The following RASGRF1 variants were observed in gnomAD, a reference collection of about 807,000 sequenced individuals.
The protein encoded by RASGRF1 is ras-specific guanine nucleotide-releasing factor 1.
RASGRF1 carries 40 observed loss-of-function variants against 138.7 expected under a neutral mutation model. That is an observed-to-expected ratio of 0.29 (90% confidence interval 0.22 to 0.38). The LOEUF (loss-of-function observed/expected upper bound fraction) is 0.38, where lower values mean the gene tolerates loss of function less well. RASGRF1 is among the 10% of genes least tolerant of loss of function. The pLI, the probability that RASGRF1 is intolerant of heterozygous loss-of-function variation, is 1.00. For missense variants in RASGRF1, 1,108 were observed against 1,650.4 expected, an observed-to-expected ratio of 0.67 and a Z score of 5.69; for synonymous variants, 614 against 663.2, an observed-to-expected ratio of 0.93 and a Z score of 1.14.
chr15:78,962,293 A>C, intron 26 of RASGRF1, 57 bp from the exon 27 acceptor site: 1 of 1,244,186 alleles, frequency 8.0e-7, no homozygotes, highest in Non-Finnish European at 1.1e-6. Context: ...CATAGTACTG[A>C]TTGTGGATGC....
At position 79,003,788 on chromosome 15, in the gene RASGRF1, G is replaced by A; in HGVS notation, c.2449+14C>T. On this transcript the variant is annotated intron_variant, in intron 15 of 26. Transcript: ENST00000558480. ...GGGAGGCTGGGGGGCAGCTCCGACG[G>A]CATGGCCACTCACTCTGCTTGCTGA... is the stretch of plus-strand genomic sequence containing the variant. The A allele has an allele frequency of 6.4e-7, 1 of 1,572,318 alleles. No individual in the cohort carries two copies. The highest frequency in any genetic ancestry group is 8.6e-7 in the Non-Finnish European group (1 of 1,158,354).
intron 12 of RASGRF1, among the ~76,000 whole-genome samples, chr15:79,016,051 C>T (rs928374434): frequency 2.0e-5 from 3 of 152,190 alleles, no homozygotes. Context: ...ATAGGAAGTA[C>T]CCGCCCAAAC....
chr15:78,967,427 A>T (rs945164278), intron 26 of RASGRF1, among the ~76,000 whole-genome samples: 1 of 152,124 alleles, frequency 6.6e-6, no homozygotes, highest in Non-Finnish European at 1.5e-5. Context: ...GAACACCTGC[A>T]GTCCCAGCTA....
At chr15:78,982,810 G>A (rs955589668) in intron 23 of RASGRF1, among the ~76,000 whole-genome samples, 4 of 152,126 alleles carry the variant, frequency 2.6e-5, no homozygotes, top group African/African-American at 9.7e-5. Flanking sequence ...GCGATCCCCA[G>A]GAGAGGCGAC....
chr15:79,085,448 A>G (rs1267755358), intron 1 of RASGRF1, among the ~76,000 whole-genome samples: 1 of 152,216 alleles, frequency 6.6e-6, no homozygotes, highest in Non-Finnish European at 1.5e-5. Context: ...ATATCTTTCT[A>G]AAGGCAATGG....
At chr15:79,002,479 G>T (rs536195191) in intron 15 of RASGRF1, among the ~76,000 whole-genome samples, 1 of 152,198 alleles carries the variant, frequency 6.6e-6, no homozygotes, top group Non-Finnish European at 1.5e-5. Context: ...AAAGCCACAG[G>T]TCTTCTCTTT....
At position 78,961,151 on chromosome 15, in the gene RASGRF1, T is replaced by G. The variant is rs1299411878; in HGVS notation, c.*993A>C. The G allele has an allele frequency of 2.0e-5, 3 of 152,212 alleles. No individual in the cohort carries two copies. Among genetic ancestry groups the G allele is most frequent in the Non-Finnish European group, 4.4e-5 (3 of 68,038 alleles). 9.4% of individuals were successfully genotyped at this position (152,212 alleles called of 1,614,324 possible). ...ACAGTGTAAAAAATACATGGTAATA[T>G]TCACAGAATAAGCACTACATTACTA... On this transcript the variant is annotated 3_prime_UTR_variant, in exon 27 of 27. Coordinates refer to ENST00000558480, the MANE Select transcript of RASGRF1 (RefSeq NM_001145648.3).
chr15:79,027,518 G>A lies in RASGRF1; in HGVS notation c.1381+223C>T, dbSNP rs114388328. ...GAATTCTGTTTACATCTGGAGAGAAGGAAACTGTGAAAACCAATAATATCT... is the reference window on the plus strand; with the variant it reads ...GAATTCTGTTTACATCTGGAGAGAAAGAAACTGTGAAAACCAATAATATCT... On this transcript the variant is annotated intron_variant, in intron 9 of 26. Coordinates refer to ENST00000558480, the MANE Select transcript of RASGRF1 (RefSeq NM_001145648.3). This position sits in a 1 kb window ranked among gnomAD's most constrained non-coding sequence, Gnocchi z 4.8. Among the ~76,000 whole-genome samples the A allele has an allele frequency of 2.1e-4, 32 of 152,308 alleles. No individual in the cohort carries two copies. Among genetic ancestry groups the A allele is most frequent in the African/African-American group, 7.0e-4 (29 of 41,580 alleles).
intron 13 of RASGRF1, among the ~76,000 whole-genome samples, chr15:79,013,402 C>T (rs1260383408): frequency 6.6e-6 from 1 of 152,238 alleles, no homozygotes; most frequent in African/African-American, 2.4e-5. Context: ...GAAACTGCCT[C>T]GGCTAGCTCC....
At position 79,027,926 on chromosome 15, in the gene RASGRF1, C is replaced by T; in HGVS notation, c.1263-67G>A. ...CTACTTCCCAGGGAGGCGAGAATGC[C>T]AGGCTTCTGGCCAGACCTAGGAAGA... On this transcript the variant is annotated intron_variant, in intron 8 of 26. Coordinates refer to ENST00000558480, the MANE Select transcript of RASGRF1 (RefSeq NM_001145648.3). This position sits in a 1 kb window ranked among gnomAD's most constrained non-coding sequence, Gnocchi z 4.8. 6.6e-7 allele frequency: 1 copy of T among 1,520,932 alleles called. No individual in the cohort carries two copies. Among genetic ancestry groups the T allele is most frequent in the Non-Finnish European group, 9.1e-7 (1 of 1,098,502 alleles). The allele number at this position is 1,520,932 out of a possible 1,614,324, so 94.2% of individuals were successfully genotyped here. A position where few individuals can be genotyped will look rare whatever the true frequency, so the allele number is the denominator to read the frequency against.
intron 5 of RASGRF1, among the ~76,000 whole-genome samples, chr15:79,035,788 T>G (rs2057212858): frequency 6.6e-6 from 1 of 152,176 alleles, no homozygotes; most frequent in African/African-American, 2.4e-5. Flanking sequence ...AGGAATCCCC[T>G]GGAAGCAATG....
intron 1 of RASGRF1, among the ~76,000 whole-genome samples, chr15:79,077,692 G>A (rs2057855065): frequency 6.6e-6 from 1 of 152,090 alleles, no homozygotes; most frequent in South Asian, 2.1e-4. Context: ...CTGTGTAACT[G>A]GCTGCCAGTT....
At chr15:79,000,218 G>A (rs1334395170) in intron 16 of RASGRF1, among the ~76,000 whole-genome samples, 1 of 152,198 alleles carries the variant, frequency 6.6e-6, no homozygotes, top group African/African-American at 2.4e-5. Flanking sequence ...CACCTCTCAG[G>A]TCCAGCAGGG....
intron 2 of RASGRF1, among the ~76,000 whole-genome samples, chr15:79,062,482 A>G (rs1467605365): frequency 6.6e-6 from 1 of 152,196 alleles, no homozygotes; most frequent in Non-Finnish European, 1.5e-5. Context: ...AGATCCAGTT[A>G]TGGTCTGGTT....
In RASGRF1 at chr15:79,090,725, C is replaced by T. The variant is rs956318424; in HGVS notation, c.-227G>A. 13 of 617,062 alleles carry T rather than the reference C, an allele frequency of 2.1e-5. No homozygotes were observed. Among genetic ancestry groups the T allele is most frequent in the African/African-American group, 1.3e-4 (7 of 53,494 alleles). The allele number at this position is 617,062 out of a possible 1,614,324, so 38.2% of individuals were successfully genotyped here. On this transcript the variant is annotated 5_prime_UTR_variant, in exon 1 of 27. Transcript: ENST00000558480. Reference sequence around the variant, plus strand: ...ACCTCTTCTCCGCTCCGCAGAGCCCCAGTACCCGGAAGATGCCGCCCGACC... The same window carrying T: ...ACCTCTTCTCCGCTCCGCAGAGCCCTAGTACCCGGAAGATGCCGCCCGACC...
chr15:79,069,494 G>A (rs561915163), intron 1 of RASGRF1, among the ~76,000 whole-genome samples: 1 of 152,174 alleles, frequency 6.6e-6, no homozygotes, highest in East Asian at 1.9e-4. Context: ...AGCCCTGGGA[G>A]TGAGGAATAT....
chr15:79,017,343 G>A (rs999938959), intron 12 of RASGRF1, among the ~76,000 whole-genome samples: 1 of 152,154 alleles, frequency 6.6e-6, no homozygotes, highest in Non-Finnish European at 1.5e-5. Context: ...CCGTTCTCTC[G>A]CTGTGAACAT....
At chr15:79,017,738 A>C (rs2056900322) in intron 12 of RASGRF1, 32 bp downstream of exon 12, 2 of 1,581,708 alleles carry the variant, frequency 1.3e-6, no homozygotes, top group Non-Finnish European at 1.7e-6. Flanking sequence ...TGAAGGGACC[A>C]CTCGCTTTCA....
rs753571943 is a variant in RASGRF1 at position 79,032,198 on chromosome 15, C to T, written c.1077G>A (p.Leu359=). Residue 359 remains leucine, a synonymous_variant, in exon 7 of 27, where the codon CTG becomes CTA. Transcript: ENST00000558480. This position sits in a 1 kb window ranked among gnomAD's most constrained non-coding sequence, Gnocchi z 4.5. ...HCKQNRDFDK[L]LKHYEAKPDC... The stretch of plus-strand genomic sequence containing the variant: ...CAGGCTTGGCCTCGTAGTGCTTCAG[C>T]AGCTTGTCGAAGTCACGGTTCTGCT... 6.2e-7 allele frequency: 1 copy of T among 1,614,110 alleles called. No individual in the cohort carries two copies. Among genetic ancestry groups the T allele is most frequent in the South Asian group, 1.1e-5 (1 of 91,082 alleles).
Sources: allele counts gnomAD v4.1 joint callset (sites outside exome capture counted in the v4.1 genomes callset), GRCh38; gene constraint gnomAD v4.1.1; non-coding constraint Gnocchi (gnomAD v3.1); transcripts MANE v1.5; gene names NCBI Gene and HGNC (gene_info 2026-07-23, HGNC 2026-07-21).